ZCCHC2: variants seen among roughly 807,000 people sequenced by gnomAD.
The protein encoded by ZCCHC2 is zinc finger CCHC domain-containing protein 2.
A neutral mutation model predicts 103.6 loss-of-function variants in ZCCHC2; 39 were observed. That is an observed-to-expected ratio of 0.38 (90% CI 0.29 to 0.49). The LOEUF (loss-of-function observed/expected upper bound fraction) is 0.49, where lower values mean the gene tolerates loss of function less well. Ranked by LOEUF, ZCCHC2 falls within the 20% of genes least tolerant of loss-of-function variation. ZCCHC2 has a pLI of 0.96. For synonymous variants in ZCCHC2, 687 were observed against 608.9 expected, an observed-to-expected ratio of 1.13 and a Z score of -1.89; for missense variants, 1,483 against 1,491.0, an observed-to-expected ratio of 0.99 and a Z score of 0.09.
rs752670608 is a variant in ZCCHC2, at chr18:62,524,075, G to GGAGGACGAGCGCGGC, written c.659_673dup (p.Glu220_Asp224dup). ...GGGGCGAGGGCTCGCGGGGCGGCGCGGAGGACGAGCGCGGCGAGGACGGCG... is the reference window on the plus strand; with the variant it reads ...GGGGCGAGGGCTCGCGGGGCGGCGCGGAGGACGAGCGCGGCGAGGACGAGCGCGGCGAGGACGGCG... On this transcript the variant is annotated inframe_insertion, in exon 1 of 14. Coordinates refer to ENST00000269499, the MANE Select transcript of ZCCHC2 (RefSeq NM_017742.6). 123 of 1,502,236 alleles carry GGAGGACGAGCGCGGC rather than the reference G, an allele frequency of 8.2e-5. No homozygotes were observed. In the Middle Eastern group the frequency reaches 1.3e-3, roughly 16 times the overall value. 93.1% of individuals were successfully genotyped at this position (1,502,236 alleles called of 1,614,324 possible). A position where few individuals can be genotyped will look rare whatever the true frequency, so the allele number is the denominator to read the frequency against.
chr18:62,564,656 G>A, intron 10 of ZCCHC2, 21 bp downstream of exon 10: 6 of 1,514,696 alleles, frequency 4.0e-6, no homozygotes, highest in South Asian at 1.2e-5. Flanking sequence ...TTTAAGGAAA[G>A]ACAGCATATA....
chr18:62,579,729 T>C (rs979603414), downstream of ZCCHC2, among the ~76,000 whole-genome samples: 2 of 151,470 alleles, frequency 1.3e-5, no homozygotes, highest in African/African-American at 4.9e-5. Flanking sequence ...AGTCTTTTCT[T>C]TTTTTTTTGT....
chr18:62,523,296 C>G lies in ZCCHC2; in HGVS notation c.-129C>G. 1.2e-6 allele frequency: 1 copy of G among 859,228 alleles called. No individual in the cohort carries two copies. The highest frequency in any genetic ancestry group is 1.8e-5 in the African/African-American group (1 of 54,382). The allele number at this position is 859,228 out of a possible 1,614,324, so 53.2% of individuals were successfully genotyped here. A position where few individuals can be genotyped will look rare whatever the true frequency, so the allele number is the denominator to read the frequency against. ...CTCGCCGGCCGAGACCCGCCCCCGG[C>G]CCCGGCCCTCCCCCGGCGGCATGGA... On this transcript the variant is annotated 5_prime_UTR_variant, in exon 1 of 14. Coordinates refer to ENST00000269499, the MANE Select transcript of ZCCHC2 (RefSeq NM_017742.6).
chr18:62,542,112 A>G (rs1318271060), intron 2 of ZCCHC2, among the ~76,000 whole-genome samples: 4 of 152,208 alleles, frequency 2.6e-5, no homozygotes, highest in South Asian at 4.1e-4. Context: ...TGAAAGAACC[A>G]TATTTAGTTG....
intron 11 of ZCCHC2, among the ~76,000 whole-genome samples, chr18:62,569,326 A>G (rs146116646): frequency 0.01 from 1,557 of 152,224 alleles, 28 homozygotes; most frequent in African/African-American, 0.035. Flanking sequence ...TACTGGTTCT[A>G]CCAGTTGGCA....
At chr18:62,538,606 A>G (rs953663011) in intron 1 of ZCCHC2, among the ~76,000 whole-genome samples, 1 of 152,180 alleles carries the variant, frequency 6.6e-6, no homozygotes, top group Non-Finnish European at 1.5e-5. Context: ...TCCTTATTAA[A>G]TGGTTTTAGG....
At chr18:62,534,185 C>A (rs1204936404) in intron 1 of ZCCHC2, among the ~76,000 whole-genome samples, 1 of 151,964 alleles carries the variant, frequency 6.6e-6, no homozygotes, top group African/African-American at 2.4e-5. Flanking sequence ...GTGGTACATG[C>A]CTGTAGTCCT....
At chr18:62,583,450 A>G (rs1460541139), downstream of ZCCHC2, among the ~76,000 whole-genome samples, 1 of 152,214 alleles carries the variant, frequency 6.6e-6, no homozygotes, top group Non-Finnish European at 1.5e-5. Context: ...AAGGTTCCAA[A>G]GAGATGAGAA....
intron 12 of ZCCHC2, among the ~76,000 whole-genome samples, chr18:62,573,083 G>A (rs1456247507): frequency 6.6e-6 from 1 of 152,068 alleles, no homozygotes; most frequent in Non-Finnish European, 1.5e-5. Flanking sequence ...TTAGTGTTCT[G>A]TTTGAAAACT....
downstream of ZCCHC2, chr18:62,578,589 T>C (rs1185759829): frequency 6.6e-6 from 1 of 152,642 alleles, no homozygotes; most frequent in Non-Finnish European, 1.5e-5. Flanking sequence ...AGCTTAAGAA[T>C]TGTGCCTCAT....
chr18:62,564,980 G>A (rs980289884), intron 10 of ZCCHC2, 22 bp from the exon 11 acceptor site: 14 of 1,529,822 alleles, frequency 9.2e-6, no homozygotes, highest in Non-Finnish European at 1.2e-5. Context: ...TAAAATGTTG[G>A]CAATATGTTC....
chr18:62,528,419 C>G (rs1021198523), intron 1 of ZCCHC2, among the ~76,000 whole-genome samples: 1 of 152,034 alleles, frequency 6.6e-6, no homozygotes, highest in Non-Finnish European at 1.5e-5. Flanking sequence ...ATGGTGAAAC[C>G]CCATCTCTAT....
chr18:62,583,799 T>A (rs1038421534), intron 14 of ZCCHC2, among the ~76,000 whole-genome samples: 11 of 152,048 alleles, frequency 7.2e-5, no homozygotes, highest in African/African-American at 9.7e-5. Context: ...TCTCTACATC[T>A]TCTTCTCTTT....
At chr18:62,585,136 A>G (rs1011309868) in exon 15 of ZCCHC2, 4 of 152,268 alleles carry the variant, frequency 2.6e-5, no homozygotes, top group African/African-American at 9.6e-5. Flanking sequence ...TTCCAGAGAA[A>G]TATCCAGGAC....
intron 1 of ZCCHC2, among the ~76,000 whole-genome samples, chr18:62,539,105 A>G (rs1915062302): frequency 6.6e-6 from 1 of 152,154 alleles, no homozygotes; most frequent in African/African-American, 2.4e-5. Context: ...TCTAGGAGTC[A>G]AAGTTACCCC....
chr18:62,575,502 C>G lies in ZCCHC2; in HGVS notation c.3421C>G (p.His1141Asp), dbSNP rs1286460134. 1 of 1,614,004 alleles carries G rather than the reference C, an allele frequency of 6.2e-7. No individual in the cohort carries two copies. The highest frequency in any genetic ancestry group is 1.7e-5 in the Admixed American group (1 of 60,022). ...VSCYNCGVSG[H>D]YAQDCKQSSM... ...ATGTTACAATTGTGGTGTAAGCGGA[C>G]ACTATGCACAGGACTGTAAGCAGTC... Residue 1141 changes from histidine (H) to aspartate (D), a missense_variant, in exon 13 of 14, where the codon CAC becomes GAC. By Grantham distance (81) the His-to-Asp change is moderately conservative. Transcript: ENST00000269499.
chr18:62,569,701 A>G (rs1023364291), intron 11 of ZCCHC2, among the ~76,000 whole-genome samples: 7 of 152,132 alleles, frequency 4.6e-5, no homozygotes. Context: ...ATTATTTTAA[A>G]TACTCCAAGT....
Position 62,574,549 on chromosome 18 carries a change from C to G in ZCCHC2, c.2468C>G (p.Ser823Cys). Reference protein sequence around the residue: ...QRLKLPPPQGSSESCTVNIPQ... With the variant: ...QRLKLPPPQGCSESCTVNIPQ... ...CTAAAGTTGCCACCACCACAGGGATCTTCTGAGAGCTGCACAGTTAACATC... is the reference window on the plus strand; with the variant it reads ...CTAAAGTTGCCACCACCACAGGGATGTTCTGAGAGCTGCACAGTTAACATC... Residue 823 changes from serine to cysteine, a missense_variant, in exon 13 of 14, where the codon TCT becomes TGT. Physicochemically the swap from Ser to Cys is moderately radical, Grantham distance 112 (BLOSUM62 -1). Transcript: ENST00000269499. 1 of 1,614,020 alleles carries G rather than the reference C, an allele frequency of 6.2e-7. No homozygotes were observed. The highest frequency in any genetic ancestry group is 8.5e-7 in the Non-Finnish European group (1 of 1,179,896).
Position 62,574,988 on chromosome 18 carries a change from C to T in ZCCHC2, c.2907C>T (p.Ala969=). Residue 969 remains alanine (A), a synonymous_variant, in exon 13 of 14, where the codon GCC becomes GCT. Transcript: ENST00000269499. ...TTCCTACCCACACCCCAGGCCCTGC[C>T]CCGAGCCCAAGCCCTGCCTTGACAC... is the stretch of plus-strand genomic sequence containing the variant. ...PAVPTHTPGP[A]PSPSPALTHS... 1 of 1,613,946 alleles carries T rather than the reference C, an allele frequency of 6.2e-7. No individual in the cohort carries two copies. The highest frequency in any genetic ancestry group is 8.5e-7 in the Non-Finnish European group (1 of 1,179,884).
Sources: allele counts gnomAD v4.1 joint callset (sites outside exome capture counted in the v4.1 genomes callset), GRCh38; gene constraint gnomAD v4.1.1; transcripts MANE v1.5; gene names NCBI Gene and HGNC (gene_info 2026-07-23, HGNC 2026-07-21).